Variants in DPP6 observed in about 807,000 individuals in gnomAD.
The protein encoded by DPP6 is A-type potassium channel modulatory protein DPP6.
A neutral mutation model predicts 122.6 loss-of-function variants in DPP6; 69 were observed. The observed-to-expected ratio is 0.56, with a 90% confidence interval of 0.46 to 0.69. The LOEUF (loss-of-function observed/expected upper bound fraction) is 0.69. Ranked by LOEUF, DPP6 falls within the 30% of genes least tolerant of loss-of-function variation. The pLI is 0.00. For synonymous variants in DPP6, 418 were observed against 433.1 expected (o/e 0.97, Z 0.43); for missense variants, 928 against 1,116.9 (o/e 0.83, Z 2.41).
At chr7:153,876,917 A>G in the DPP6 span, among the ~76,000 whole-genome samples, 1,415 of 152,170 alleles carry the variant, frequency 9.3e-3, 21 homozygotes, top group African/African-American at 0.028. Context: ...GTAAAGTAAA[A>G]TTATGGCATA....
chr7:154,652,181 G>A (rs571692479), intron 6 of DPP6, among the ~76,000 whole-genome samples: 1 of 152,232 alleles, frequency 6.6e-6, no homozygotes, highest in South Asian at 2.1e-4. Flanking sequence ...ACTGGGGCAA[G>A]GCAGAGCCAC....
At chr7:153,947,373 G>A (rs760663112) in intron 1 of DPP6, among the ~76,000 whole-genome samples, 79 of 152,204 alleles carry the variant, frequency 5.2e-4, no homozygotes, top group Non-Finnish European at 9.6e-4. Flanking sequence ...CTGTCTTCTC[G>A]GCTTGTAGCT....
intron 7 of DPP6, among the ~76,000 whole-genome samples, chr7:154,686,414 G>GT (rs1839605484): frequency 9.6e-6 from 1 of 104,312 alleles, no homozygotes; most frequent in Non-Finnish European, 2.3e-5. Flanking sequence ...CCACCATAAG[G>GT]ATTTTTTTTT....
intron 1 of DPP6, among the ~76,000 whole-genome samples, chr7:154,182,029 G>A (rs1209509647): frequency 6.6e-6 from 1 of 152,060 alleles, no homozygotes; most frequent in Non-Finnish European, 1.5e-5. Flanking sequence ...TGAGATTACA[G>A]GTGTGTGCCA....
At chr7:154,431,466 CTTTT>C (rs1818383325) in intron 1 of DPP6, among the ~76,000 whole-genome samples, 1 of 13,696 alleles carries the variant, frequency 7.3e-5, no homozygotes, top group South Asian at 1.9e-3. Flanking sequence ...CTTTTCTTTT[CTTTT>C]CTTTTCTTTT....
At position 154,535,341 on chromosome 7, in the gene DPP6, G is replaced by A. The variant is rs547936145; in HGVS notation, c.458-5191G>A. Among the ~76,000 whole-genome samples the A allele has an allele frequency of 4.0e-5, 6 of 151,084 alleles. No individual in the cohort carries two copies. The South Asian group carries it at 1.2e-3, about 31-fold the overall frequency. On this transcript the variant is annotated intron_variant, in intron 3 of 25. Transcript: ENST00000377770. ...AAATTTCTCAGGACACTAAAAATAT[G>A]AATCATAAAAGAAAAATACAAAAAA... is the stretch of plus-strand genomic sequence containing the variant.
At chr7:154,472,484 A>G (rs959101205) in intron 2 of DPP6, among the ~76,000 whole-genome samples, 3 of 152,002 alleles carry the variant, frequency 2.0e-5, no homozygotes, top group Admixed American at 6.6e-5. Flanking sequence ...TTCTTATTTA[A>G]TAGTCTGCTT....
intron 1 of DPP6, among the ~76,000 whole-genome samples, chr7:154,266,297 AAGGAACT>A (rs1350459265): frequency 6.6e-6 from 1 of 152,176 alleles, no homozygotes; most frequent in Admixed American, 6.6e-5. Context: ...CTGTCTTATG[AAGGAACT>A]AGGAAGGGTT....
At chr7:153,921,663 A>G (rs1055649003) in intron 1 of DPP6, among the ~76,000 whole-genome samples, 1 of 152,348 alleles carries the variant, frequency 6.6e-6, no homozygotes, top group African/African-American at 2.4e-5. Flanking sequence ...AGCTCTGCAC[A>G]CAGTGAGTAA....
intron 1 of DPP6, among the ~76,000 whole-genome samples, chr7:154,173,933 C>G (rs559729632): frequency 6.6e-6 from 1 of 152,198 alleles, no homozygotes; most frequent in Admixed American, 6.5e-5. Flanking sequence ...CAGCTAGTTC[C>G]TGGGCACCTG....
At chr7:153,922,174 C>G (rs1403224835) in intron 1 of DPP6, among the ~76,000 whole-genome samples, 1 of 151,754 alleles carries the variant, frequency 6.6e-6, no homozygotes, top group Admixed American at 6.6e-5. Context: ...AAACTGTAAA[C>G]CCAAGTGGGT....
chr7:154,292,334 A>C (rs1805264102), intron 1 of DPP6, among the ~76,000 whole-genome samples: 2 of 152,138 alleles, frequency 1.3e-5, no homozygotes, highest in Non-Finnish European at 2.9e-5. Context: ...GAACTCATCA[A>C]TCCTCTTGTG....
chr7:154,060,929 C>A (rs1389368818), intron 1 of DPP6, among the ~76,000 whole-genome samples: 8 of 144,456 alleles, frequency 5.5e-5, no homozygotes, highest in African/African-American at 2.0e-4. Flanking sequence ...CCTCTTCCCC[C>A]ACTGGCATAG....
intron 1 of DPP6, chr7:154,305,406 C>G (rs1309725109): frequency 2.6e-6 from 3 of 1,168,872 alleles, no homozygotes; most frequent in Admixed American, 5.6e-5. Flanking sequence ...AAATCACACT[C>G]CTCCTTACCT....
At chr7:154,711,738 C>T (rs1841192936) in intron 7 of DPP6, among the ~76,000 whole-genome samples, 1 of 152,068 alleles carries the variant, frequency 6.6e-6, no homozygotes, top group African/African-American at 2.4e-5. Flanking sequence ...TCCCTTTTGG[C>T]CTTGATTTTC....
At chr7:154,166,756 C>A (rs1797272601) in intron 1 of DPP6, among the ~76,000 whole-genome samples, 1 of 147,602 alleles carries the variant, frequency 6.8e-6, no homozygotes, top group African/African-American at 2.7e-5. Flanking sequence ...ACTAAAAATA[C>A]AAAAATTAGC....
the DPP6 span, among the ~76,000 whole-genome samples, chr7:153,759,255 T>A: frequency 1.3e-5 from 2 of 151,950 alleles, no homozygotes; most frequent in African/African-American, 2.4e-5. Flanking sequence ...TTTTCATAAA[T>A]GTCTTTATCA....
chr7:153,790,622 A>G, the DPP6 span, among the ~76,000 whole-genome samples: 1 of 152,176 alleles, frequency 6.6e-6, no homozygotes, highest in Non-Finnish European at 1.5e-5. Context: ...GTTTCCGTTG[A>G]TACTGACATT....
intron 1 of DPP6, among the ~76,000 whole-genome samples, chr7:154,064,703 C>T (rs1236970161): frequency 6.6e-6 from 1 of 152,116 alleles, no homozygotes; most frequent in East Asian, 1.9e-4. Context: ...GTAGTTTCTG[C>T]TCTAAGCTCA....
Sources: gnomAD v4.1 joint callset for allele counts (sites outside exome capture counted in the v4.1 genomes callset) on GRCh38, gnomAD v4.1.1 for gene constraint, MANE v1.5 for transcripts, NCBI Gene and HGNC (gene_info 2026-07-23, HGNC 2026-07-21) for gene names.